The following ADAM2 variants were observed in gnomAD, a reference collection of about 807,000 sequenced individuals.
ADAM2 encodes disintegrin and metalloproteinase domain-containing protein 2.
A neutral mutation model predicts 99.3 loss-of-function variants in ADAM2; 101 were observed. The observed-to-expected ratio is 1.02, with a 90% CI of 0.87 to 1.20. The LOEUF is 1.20. ADAM2 is among the 50% of genes most tolerant of loss of function. ADAM2 has a pLI of 0.00. For synonymous variants in ADAM2, 323 were observed against 287.6 expected (o/e 1.12, Z -1.25); for missense variants, 948 against 878.7 (o/e 1.08, Z -1.00).
At chr8:39,798,576 C>G (rs1276686950) in intron 7 of ADAM2, among the ~76,000 whole-genome samples, 2 of 152,130 alleles carry the variant, frequency 1.3e-5, no homozygotes, top group African/African-American at 2.4e-5. Flanking sequence ...GGAGGAGTCC[C>G]TCCTTTTCAA....
chr8:39,834,757 A>AG (rs1464410312), intron 2 of ADAM2, among the ~76,000 whole-genome samples: 1 of 148,944 alleles, frequency 6.7e-6, no homozygotes, highest in South Asian at 2.1e-4. Flanking sequence ...AAAAAAAAAA[A>AG]GGTTTTAGTC....
chr8:39,772,205 G>A (rs1456017281), intron 11 of ADAM2, among the ~76,000 whole-genome samples: 3 of 150,828 alleles, frequency 2.0e-5, no homozygotes, highest in Non-Finnish European at 4.4e-5. Context: ...GAGATTTGCT[G>A]GATGCTTTCA....
chr8:39,831,788 G>C (rs1805628443), intron 3 of ADAM2, among the ~76,000 whole-genome samples: 1 of 152,052 alleles, frequency 6.6e-6, no homozygotes, highest in Admixed American at 6.6e-5. Flanking sequence ...TGAGTACATA[G>C]AAATATGTGA....
At chr8:39,782,960 C>A (rs938900727) in intron 10 of ADAM2, among the ~76,000 whole-genome samples, 4 of 152,048 alleles carry the variant, frequency 2.6e-5, no homozygotes, top group African/African-American at 9.7e-5. Flanking sequence ...GGAGTTAGAT[C>A]ATCTACATTC....
rs184050936 is a variant in ADAM2 at position 39,788,197 on chromosome 8, C to A, written c.697G>T (p.Asp233Tyr). 3.2e-6 allele frequency: 5 copies of A among 1,573,882 alleles called. No homozygotes were observed. The African/African-American group carries it at 5.4e-5, about 17-fold the overall frequency. ...IILSSLELWIDENKIATTGEA... is the reference protein window; with the variant it reads ...IILSSLELWIYENKIATTGEA... ...CCAGTGGTTGCAATTTTATTTTCATCTATCCAAAGCTCCAATGAAGACAGA... is the reference window on the plus strand; with the variant it reads ...CCAGTGGTTGCAATTTTATTTTCATATATCCAAAGCTCCAATGAAGACAGA... Residue 233 changes from aspartate (D) to tyrosine (Y), a missense_variant, in exon 9 of 21, where the codon GAT becomes TAT. Coordinates refer to ENST00000265708, the MANE Select transcript of ADAM2 (RefSeq NM_001464.5).
chr8:39,763,092 A>G (rs556123310), intron 14 of ADAM2, among the ~76,000 whole-genome samples: 99 of 152,330 alleles, frequency 6.5e-4, no homozygotes, highest in African/African-American at 2.3e-3. Context: ...TGAAAGCGCT[A>G]TGCCCAGAGG....
chr8:39,823,063 G>A (rs1284229534), intron 4 of ADAM2, among the ~76,000 whole-genome samples: 4 of 152,070 alleles, frequency 2.6e-5, no homozygotes, highest in African/African-American at 9.7e-5. Context: ...CACCACACCC[G>A]GCCTGAGGTC....
chr8:39,749,539 T>A (rs1563332999), intron 17 of ADAM2, 89 bp from the exon 18 acceptor site: 2 of 1,486,564 alleles, frequency 1.3e-6, no homozygotes, highest in East Asian at 4.5e-5. Flanking sequence ...GTAGGTCAGC[T>A]AAGGCCAATT....
chr8:39,813,990 A>G (rs949880170), intron 6 of ADAM2, among the ~76,000 whole-genome samples: 2 of 151,800 alleles, frequency 1.3e-5, no homozygotes, highest in Non-Finnish European at 2.9e-5. Context: ...AAAAAAAAAG[A>G]AAAGAAAACT....
chr8:39,808,181 C>A (rs1391444601), intron 7 of ADAM2, among the ~76,000 whole-genome samples: 1 of 118,906 alleles, frequency 8.4e-6, no homozygotes, highest in Non-Finnish European at 1.7e-5. Flanking sequence ...GCAGAAAGTC[C>A]TAAGGAATAC....
chr8:39,824,274 CAAAAAAAAAAA>C (rs201545294), intron 4 of ADAM2, among the ~76,000 whole-genome samples: 5 of 83,506 alleles, frequency 6.0e-5, no homozygotes, highest in Admixed American at 1.3e-4. Flanking sequence ...AACTCTATCT[CAAAAAAAAAAA>C]AAAAAAAAAG....
chr8:39,794,102 G>C (rs905939783), intron 7 of ADAM2, among the ~76,000 whole-genome samples: 4 of 152,108 alleles, frequency 2.6e-5, no homozygotes, highest in Non-Finnish European at 5.9e-5. Flanking sequence ...AGTGAGTTTT[G>C]TGTGTTACTG....
intron 6 of ADAM2, among the ~76,000 whole-genome samples, chr8:39,815,995 GA>G (rs1203675213): frequency 2.7e-5 from 4 of 150,792 alleles, no homozygotes; most frequent in East Asian, 1.9e-4. Context: ...AATAAATGTT[GA>G]AAAAAAAATG....
At chr8:39,764,193 A>T (rs1399385312) in intron 14 of ADAM2, among the ~76,000 whole-genome samples, 1 of 152,116 alleles carries the variant, frequency 6.6e-6, no homozygotes, top group Non-Finnish European at 1.5e-5. Flanking sequence ...ATTACTTGAG[A>T]CCAGAAGTTT....
At chr8:39,820,358 G>A (rs143032424) in intron 6 of ADAM2, among the ~76,000 whole-genome samples, 5 of 152,204 alleles carry the variant, frequency 3.3e-5, no homozygotes, top group East Asian at 3.9e-4. Flanking sequence ...TCCTGTCAGT[G>A]GATGAATTAC....
At position 39,837,263 on chromosome 8, in the gene ADAM2, C is replaced by G. The variant is rs747974672; in HGVS notation, c.56-51G>C. 2.2e-6 allele frequency: 3 copies of G among 1,348,774 alleles called. No individual in the cohort carries two copies. The South Asian group carries it at 3.9e-5, about 17-fold the overall frequency. The allele number at this position is 1,348,774 out of a possible 1,614,324, so 83.6% of individuals were successfully genotyped here. ...TAGAACAATGCCCATCATTTCAGAG[C>G]GTGTTTTATGAGTTTTTCATCTAAA... is the stretch of plus-strand genomic sequence containing the variant. On this transcript the variant is annotated intron_variant, in intron 1 of 20. Coordinates refer to ENST00000265708, the MANE Select transcript of ADAM2 (RefSeq NM_001464.5).
chr8:39,816,065 G>A (rs1180582728), intron 6 of ADAM2, among the ~76,000 whole-genome samples: 1 of 152,068 alleles, frequency 6.6e-6, no homozygotes, highest in Non-Finnish European at 1.5e-5. Flanking sequence ...GGAGGCTGAG[G>A]TGGGTGAATC....
chr8:39,749,787 A>C, intron 16 of ADAM2, 43 bp from the exon 17 acceptor site: 1 of 1,501,098 alleles, frequency 6.7e-7, no homozygotes, highest in Non-Finnish European at 9.2e-7. Flanking sequence ...CATGCCATCT[A>C]GAGTTGCCAT....
chr8:39,779,397 AT>A (rs1312462651), intron 10 of ADAM2, among the ~76,000 whole-genome samples: 7 of 152,096 alleles, frequency 4.6e-5, no homozygotes, highest in Non-Finnish European at 1.0e-4. Flanking sequence ...ACCATGACCT[AT>A]TTAACCTTTC....
Sources: allele counts gnomAD v4.1 joint callset (sites outside exome capture counted in the v4.1 genomes callset), GRCh38; gene constraint gnomAD v4.1.1; transcripts MANE v1.5; gene names NCBI Gene and HGNC (gene_info 2026-07-23, HGNC 2026-07-21).